AFF3: variants seen among roughly 807,000 people sequenced by gnomAD.
The protein encoded by AFF3 is AF4/FMR2 family member 3.
In AFF3, 32 loss-of-function variants were observed where a neutral mutation model predicts 129.7. The ratio of observed to expected loss-of-function variants is 0.25; its 90% CI spans 0.19 to 0.33. AFF3 has a LOEUF of 0.33. Ranked by LOEUF, AFF3 falls within the 10% of genes least tolerant of loss-of-function variation. The pLI is 1.00. For missense variants in AFF3, 1,373 were observed against 1,592.0 expected, an observed-to-expected ratio of 0.86 and a Z score of 2.34; for synonymous variants, 644 against 635.4, an observed-to-expected ratio of 1.01 and a Z score of -0.20.
At chr2:99,624,886 G>A (rs762467887) in intron 13 of AFF3, among the ~76,000 whole-genome samples, 35 of 152,202 alleles carry the variant, frequency 2.3e-4, no homozygotes, top group Non-Finnish European at 3.7e-4. Flanking sequence ...TGGGAGCTCC[G>A]CCAGATGCCT....
intron 4 of AFF3, among the ~76,000 whole-genome samples, chr2:100,087,823 C>A (rs942962674): frequency 2.0e-5 from 3 of 151,026 alleles, no homozygotes; most frequent in African/African-American, 7.3e-5. Context: ...AAGGTTGGTT[C>A]AACATATAAA....
chr2:99,966,348 A>G (rs1314629686), intron 7 of AFF3, among the ~76,000 whole-genome samples: 1 of 152,196 alleles, frequency 6.6e-6, no homozygotes, highest in Admixed American at 6.5e-5. Flanking sequence ...TGGACAAAAA[A>G]TAATAATAAT....
intron 10 of AFF3, among the ~76,000 whole-genome samples, chr2:99,732,379 T>A (rs1309699276): frequency 1.3e-5 from 2 of 150,912 alleles, no homozygotes; most frequent in Non-Finnish European, 3.0e-5. Context: ...TGTGTGTTAA[T>A]CATTCTCTTT....
chr2:99,817,431 C>T (rs1687327510), intron 8 of AFF3, among the ~76,000 whole-genome samples: 1 of 152,228 alleles, frequency 6.6e-6, no homozygotes, highest in Non-Finnish European at 1.5e-5. Flanking sequence ...GTTTTCCATG[C>T]TATTTCAGAT....
rs147534240 is a variant in AFF3, at chr2:99,898,894, G to A, written c.874-61370C>T. Among the ~76,000 whole-genome samples the A allele has an allele frequency of 3.7e-3, 556 of 152,286 alleles. 4 individuals are homozygous for A. Among genetic ancestry groups the A allele is most frequent in the Non-Finnish European group, 5.8e-3 (393 of 68,030 alleles). ...ACTCCCACTTTGCCCTGCCCTCACA[G>A]GGCCTGTCCTGCCTCCTCCCCACCA... On this transcript the variant is annotated intron_variant, in intron 7 of 24. Transcript: ENST00000672756.
intron 4 of AFF3, among the ~76,000 whole-genome samples, chr2:100,091,227 G>A (rs1221407824): frequency 3.3e-5 from 5 of 151,908 alleles, no homozygotes; most frequent in Non-Finnish European, 7.4e-5. Context: ...AGGTAATGAA[G>A]ATTAAAAGAG....
intron 20 of AFF3, among the ~76,000 whole-genome samples, chr2:99,564,897 C>T (rs948989053): frequency 2.0e-5 from 3 of 152,178 alleles, no homozygotes; most frequent in African/African-American, 7.2e-5. Context: ...ATTCCCTTAA[C>T]TGTTGGTTAC....
At chr2:99,961,992 G>C (rs1345271129) in intron 7 of AFF3, among the ~76,000 whole-genome samples, 1 of 152,102 alleles carries the variant, frequency 6.6e-6, no homozygotes, top group East Asian at 1.9e-4. Context: ...CATGCAAGGG[G>C]GATCACCCAG....
intron 19 of AFF3, among the ~76,000 whole-genome samples, chr2:99,568,170 G>C (rs1229821131): frequency 1.3e-5 from 2 of 152,198 alleles, no homozygotes; most frequent in African/African-American, 2.4e-5. Context: ...CTCAATCTCA[G>C]TTATGAACAC....
chr2:99,598,253 C>T (rs1322014164), intron 14 of AFF3, among the ~76,000 whole-genome samples: 2 of 152,076 alleles, frequency 1.3e-5, no homozygotes, highest in Non-Finnish European at 2.9e-5. Flanking sequence ...TTTTCCTCCA[C>T]GTAATATATA....
At chr2:99,942,084 G>A (rs1273301378) in intron 7 of AFF3, among the ~76,000 whole-genome samples, 1 of 152,152 alleles carries the variant, frequency 6.6e-6, no homozygotes, top group Non-Finnish European at 1.5e-5. Flanking sequence ...CCAGGCAGCC[G>A]CAGTCATCCC....
At chr2:100,030,924 A>C (rs1427850411) in intron 4 of AFF3, among the ~76,000 whole-genome samples, 1 of 152,232 alleles carries the variant, frequency 6.6e-6, no homozygotes, top group Non-Finnish European at 1.5e-5. Context: ...AATACAAGAA[A>C]TTAAGCATTG....
intron 1 of AFF3, among the ~76,000 whole-genome samples, chr2:100,136,917 G>T (rs1692662228): frequency 6.6e-6 from 1 of 151,956 alleles, no homozygotes; most frequent in South Asian, 2.1e-4. Flanking sequence ...TTTTATATAG[G>T]TCTTGTGGTG....
chr2:99,718,940 C>T (rs1197593227), intron 11 of AFF3, among the ~76,000 whole-genome samples: 4 of 151,416 alleles, frequency 2.6e-5, no homozygotes, highest in East Asian at 1.9e-4. Context: ...TTAGTAGAGA[C>T]GGGTTTTCAC....
At chr2:100,016,243 G>T (rs1280914677) in intron 4 of AFF3, among the ~76,000 whole-genome samples, 1 of 151,386 alleles carries the variant, frequency 6.6e-6, no homozygotes, top group Non-Finnish European at 1.5e-5. Context: ...GGTGGTGGGG[G>T]TGATGGCAGT....
chr2:99,625,101 G>A (rs544111071), intron 13 of AFF3, among the ~76,000 whole-genome samples: 1 of 152,318 alleles, frequency 6.6e-6, no homozygotes, highest in Admixed American at 6.5e-5. Context: ...TTTCTTGAAG[G>A]GCGAGATAGA....
chr2:99,582,435 C>A (rs149169770), intron 17 of AFF3, among the ~76,000 whole-genome samples: 1 of 152,278 alleles, frequency 6.6e-6, no homozygotes, highest in Non-Finnish European at 1.5e-5. Context: ...GGGTTTCAAT[C>A]CCAGATTTAA....
chr2:99,772,237 G>A (rs1284571432), intron 8 of AFF3, among the ~76,000 whole-genome samples: 1 of 152,180 alleles, frequency 6.6e-6, no homozygotes, highest in Non-Finnish European at 1.5e-5. Context: ...CTGAGAGGCA[G>A]GGAAGGCAAA....
chr2:99,653,461 T>C (rs577477496), intron 12 of AFF3, among the ~76,000 whole-genome samples: 5 of 152,266 alleles, frequency 3.3e-5, no homozygotes, highest in Non-Finnish European at 1.5e-5. Flanking sequence ...TCCTGCTGAC[T>C]TCTGTGATAC....
Sources: gnomAD v4.1 joint callset for allele counts (sites outside exome capture counted in the v4.1 genomes callset) on GRCh38, gnomAD v4.1.1 for gene constraint, MANE v1.5 for transcripts, NCBI Gene and HGNC (gene_info 2026-07-23, HGNC 2026-07-21) for gene names.